The following CHEK2 variants were observed in gnomAD, a reference collection of about 807,000 sequenced individuals.
CHEK2 encodes serine/threonine-protein kinase Chk2.
In CHEK2, 71 loss-of-function variants were observed where a neutral mutation model predicts 69.1. That is an observed-to-expected ratio of 1.03 (90% confidence interval 0.85 to 1.25). The LOEUF (loss-of-function observed/expected upper bound fraction) is 1.25. Ranked by LOEUF, CHEK2 falls within the 50% of genes most tolerant of loss-of-function variation. CHEK2 has a pLI of 0.00. For synonymous variants in CHEK2, 189 were observed against 226.9 expected, an observed-to-expected ratio of 0.83 and a Z score of 1.50; for missense variants, 664 against 649.6, an observed-to-expected ratio of 1.02 and a Z score of -0.24.
intron 4 of CHEK2, among the ~76,000 whole-genome samples, chr22:28,722,893 A>T (rs1373135722): frequency 4.6e-5 from 7 of 152,108 alleles, no homozygotes; most frequent in Non-Finnish European, 1.0e-4. Flanking sequence ...CATGATTTTT[A>T]AAATCCCTAC....
chr22:28,692,597 C>T (rs1212485069), intron 13 of CHEK2, among the ~76,000 whole-genome samples: 2 of 152,124 alleles, frequency 1.3e-5, no homozygotes, highest in African/African-American at 2.4e-5. Context: ...CCCAGAAGTA[C>T]GGGTCGGAGG....
rs144770665 is a variant in CHEK2, at chr22:28,693,687, C to T, written c.1461+345G>A. On this transcript the variant is annotated intron_variant, in intron 13 of 14. Coordinates refer to ENST00000404276, the MANE Select transcript of CHEK2 (RefSeq NM_007194.4). The stretch of plus-strand genomic sequence containing the variant: ...TAGCCTGGCCAGCACGGCGAAACCC[C>T]ATCTCTACAAAAAATACAAAAAGTA... Among the ~76,000 whole-genome samples the T allele has an allele frequency of 6.4e-3, 969 of 152,180 alleles. 4 individuals are homozygous for T. The highest frequency in any genetic ancestry group is 9.4e-3 in the Non-Finnish European group (638 of 67,992).
chr22:28,715,071 T>C (rs2053542268), intron 5 of CHEK2, among the ~76,000 whole-genome samples: 1 of 152,206 alleles, frequency 6.6e-6, no homozygotes, highest in East Asian at 1.9e-4. Flanking sequence ...CAACACCCTG[T>C]CATTCATTCA....
intron 2 of CHEK2, chr22:28,730,438 G>C (rs766676371): frequency 1.5e-5 from 10 of 684,654 alleles, no homozygotes; most frequent in African/African-American, 1.4e-4. Context: ...CAAACTGGCC[G>C]GGGATGGTGC....
At chr22:28,725,411 T>C (rs772919110) in intron 2 of CHEK2, 44 bp from the exon 3 acceptor site, 22 of 1,612,902 alleles carry the variant, frequency 1.4e-5, no homozygotes, top group Middle Eastern at 3.3e-4. Context: ...GAATTTCATG[T>C]ATCAAACGTT....
chr22:28,699,069 A>G (rs540004570), intron 9 of CHEK2, among the ~76,000 whole-genome samples: 1 of 152,296 alleles, frequency 6.6e-6, no homozygotes, highest in Non-Finnish European at 1.5e-5. Flanking sequence ...CAGTGGCATG[A>G]CTGTGGCTCA....
At chr22:28,705,078 C>CT (rs71866422) in intron 7 of CHEK2, among the ~76,000 whole-genome samples, 397 of 135,014 alleles carry the variant, frequency 2.9e-3, no homozygotes, top group East Asian at 8.7e-3. Context: ...AAATCCAAAT[C>CT]TTTTTTTTTT....
chr22:28,734,321 T>C (rs896614186), intron 2 of CHEK2, 82 bp downstream of exon 2: 76 of 1,392,134 alleles, frequency 5.5e-5, no homozygotes, highest in Non-Finnish European at 7.5e-5. Context: ...ACAACTCCAA[T>C]CAGAACCTTC....
At chr22:28,706,673 C>T (rs1351174597) in intron 7 of CHEK2, among the ~76,000 whole-genome samples, 2 of 152,180 alleles carry the variant, frequency 1.3e-5, no homozygotes. Context: ...AATCCCAGCA[C>T]TTTGGGAGGC....
rs6005847 is a variant in CHEK2, at chr22:28,722,560, G to A, written c.592+2417C>T. On this transcript the variant is annotated intron_variant, in intron 4 of 14. Coordinates refer to ENST00000404276, the MANE Select transcript of CHEK2 (RefSeq NM_007194.4). ...GTCTCAAAAAAAAAAAAAAAAAAAA[G>A]AAAAGAAAAGAAAAGAAAACAAAAT... 5.3e-3 allele frequency among the ~76,000 whole-genome samples: 680 copies of A among 128,854 alleles called. 1 individual carries two copies. The highest frequency in any genetic ancestry group is 7.6e-3 in the African/African-American group (252 of 32,996). 84.5% of individuals were successfully genotyped at this position (128,854 alleles called of 152,430 possible).
chr22:28,726,627 TACAC>T (rs1342506699), intron 2 of CHEK2, among the ~76,000 whole-genome samples: 3 of 147,582 alleles, frequency 2.0e-5, no homozygotes, highest in African/African-American at 7.5e-5. Flanking sequence ...AACACACACA[TACAC>T]ATACATATAT....
intron 7 of CHEK2, among the ~76,000 whole-genome samples, chr22:28,704,624 C>T (rs1048032774): frequency 6.6e-5 from 10 of 152,150 alleles, no homozygotes; most frequent in Non-Finnish European, 1.2e-4. Flanking sequence ...TGAGCCACCA[C>T]GCCCGGTGGG....
intron 7 of CHEK2, among the ~76,000 whole-genome samples, chr22:28,707,878 CCAGGCTGGA>C (rs2053213142): frequency 6.9e-6 from 1 of 144,562 alleles, no homozygotes; most frequent in African/African-American, 2.5e-5. Context: ...GCTCTGTTGC[CCAGGCTGGA>C]GTGCAGTGGC....
At chr22:28,701,455 G>A (rs974088395) in intron 8 of CHEK2, among the ~76,000 whole-genome samples, 4 of 151,940 alleles carry the variant, frequency 2.6e-5, no homozygotes, top group South Asian at 2.1e-4. Flanking sequence ...CAAGGGATCC[G>A]CCCACCTCAG....
intron 1 of CHEK2, among the ~76,000 whole-genome samples, chr22:28,736,191 G>A (rs2054397333): frequency 6.6e-6 from 1 of 152,138 alleles, no homozygotes; most frequent in African/African-American, 2.4e-5. Context: ...ACTTAGAATG[G>A]TTTTATTTAG....
At position 28,725,345 on chromosome 22, in the gene CHEK2, C is replaced by T. The variant is rs756949505; in HGVS notation, c.342G>A (p.Trp114Ter). 2 of 1,613,984 alleles carry T rather than the reference C, an allele frequency of 1.2e-6. No homozygotes were observed. Among genetic ancestry groups the T allele is most frequent in the Non-Finnish European group, 1.7e-6 (2 of 1,180,010 alleles). Residue 114 changes from tryptophan (W) to a stop codon, truncating the protein, a stop_gained, in exon 3 of 15, where the codon TGG (tryptophan) becomes TGA (stop). Coordinates refer to ENST00000404276, the MANE Select transcript of CHEK2 (RefSeq NM_007194.4). LOFTEE classifies it high-confidence loss of function. Reference protein sequence around the residue: ...ANLECVNDNYWFGRDKSCEYC... With the variant: ...ANLECVNDNY Reference sequence around the variant, plus strand: ...ATTCACAGCTTTTGTCCCTCCCAAACCAGTAGTTGTCATTCACACATTCTG... The same window carrying T: ...ATTCACAGCTTTTGTCCCTCCCAAATCAGTAGTTGTCATTCACACATTCTG...
intron 14 of CHEK2, among the ~76,000 whole-genome samples, chr22:28,688,906 C>T (rs1185439631): frequency 6.6e-6 from 1 of 152,194 alleles, no homozygotes; most frequent in Non-Finnish European, 1.5e-5. Flanking sequence ...TTTTGGATGA[C>T]AATCCCTAGC....
At chr22:28,736,883 C>A (rs535904538) in intron 1 of CHEK2, among the ~76,000 whole-genome samples, 1 of 151,624 alleles carries the variant, frequency 6.6e-6, no homozygotes, top group South Asian at 2.1e-4. Flanking sequence ...TTGAAGGCTG[C>A]AGTGAGCTAT....
At chr22:28,696,004 T>C in intron 10 of CHEK2, 131 bp from the exon 11 acceptor site, 1 of 721,276 alleles carries the variant, frequency 1.4e-6, no homozygotes, top group East Asian at 2.7e-5. Flanking sequence ...GCCATTAATC[T>C]GGAATTTACA....
Sources: gnomAD v4.1 joint callset for allele counts (sites outside exome capture counted in the v4.1 genomes callset) on GRCh38, gnomAD v4.1.1 for gene constraint, MANE v1.5 for transcripts, NCBI Gene and HGNC (gene_info 2026-07-23, HGNC 2026-07-21) for gene names.